TCEA2: variants seen among roughly 807,000 people sequenced by gnomAD.
The protein encoded by TCEA2 is transcription elongation factor A protein 2.
Under a neutral mutation model 40.8 loss-of-function variants are expected in TCEA2, and 21 were observed. The observed-to-expected ratio is 0.51, with a 90% CI of 0.36 to 0.74. TCEA2 has a LOEUF of 0.74. Among genes scored for constraint, TCEA2 ranks in the 30% least tolerant of loss-of-function variants. The pLI, the probability that TCEA2 is intolerant of heterozygous loss-of-function variation, is 0.00. For synonymous variants in TCEA2, 165 were observed against 162.7 expected (o/e 1.01, Z -0.11); for missense variants, 326 against 426.5 (o/e 0.76, Z 2.08).
In TCEA2 at chr20:64,058,153, G is replaced by C. The variant is rs1195739273; in HGVS notation, c.-84+502G>C. On this transcript the variant is annotated intron_variant, in intron 1 of 10. Transcript: ENST00000361317. This position sits in a 1 kb window ranked among gnomAD's most constrained non-coding sequence, Gnocchi z 6.7. ...CGGAGTGGCTGCGGCCCGCAGGTCA[G>C]AGGCACCCGACCTCTTCTGCTAACC... 6.6e-6 allele frequency among the ~76,000 whole-genome samples: 1 copy of C among 152,174 alleles called. No homozygotes were observed. The highest frequency in any genetic ancestry group is 2.4e-5 in the African/African-American group (1 of 41,434).
chr20:64,067,507 C>T (rs575384323), intron 3 of TCEA2, among the ~76,000 whole-genome samples: 1 of 152,132 alleles, frequency 6.6e-6, no homozygotes, highest in Admixed American at 6.5e-5. Context: ...CTGAAGGCTG[C>T]CTCTTCCTGG....
upstream of TCEA2, among the ~76,000 whole-genome samples, chr20:64,060,088 C>T (rs2059533039): frequency 6.6e-6 from 1 of 152,220 alleles, no homozygotes; most frequent in Non-Finnish European, 1.5e-5. Context: ...GGGACGTTGA[C>T]CCTCTCTCCT....
chr20:64,065,673 G>C (rs896283517), intron 1 of TCEA2: 3 of 152,404 alleles, frequency 2.0e-5, no homozygotes, highest in Admixed American at 6.5e-5. Flanking sequence ...ACCGGTTTGT[G>C]CCTGGCCTCG....
intron 8 of TCEA2, among the ~76,000 whole-genome samples, chr20:64,071,551 C>T (rs1445570708): frequency 6.6e-6 from 1 of 152,156 alleles, no homozygotes; most frequent in Non-Finnish European, 1.5e-5. Context: ...TTGGGCCTTC[C>T]GGAAGGCAGC....
At chr20:64,065,315 C>A (rs540954500) in intron 1 of TCEA2, among the ~76,000 whole-genome samples, 1 of 152,140 alleles carries the variant, frequency 6.6e-6, no homozygotes, top group Admixed American at 6.5e-5. Flanking sequence ...ACTATGCCAC[C>A]CGGATTGCTG....
chr20:64,070,086 G>C, intron 6 of TCEA2, 174 bp from the exon 7 acceptor site: 2 of 1,023,644 alleles, frequency 2.0e-6, no homozygotes, highest in Admixed American at 4.3e-5. Context: ...TGGGCCTGGG[G>C]CAGGCTTGGC....
upstream of TCEA2, among the ~76,000 whole-genome samples, chr20:64,060,445 A>C (rs2059540024): frequency 6.6e-6 from 1 of 152,172 alleles, no homozygotes; most frequent in Admixed American, 6.5e-5. Flanking sequence ...TTCCTGCACA[A>C]GGGCAGTTCC....
intron 9 of TCEA2, 22 bp from the exon 10 acceptor site, chr20:64,072,150 G>A (rs1294137893): frequency 6.2e-7 from 1 of 1,613,488 alleles, no homozygotes; most frequent in Non-Finnish European, 8.5e-7. Flanking sequence ...CAAGGCTGGA[G>A]GCCTCACCCC....
upstream of TCEA2, among the ~76,000 whole-genome samples, chr20:64,055,913 GCTGCC>G (rs2059468458): frequency 6.6e-6 from 1 of 152,104 alleles, no homozygotes; most frequent in Non-Finnish European, 1.5e-5. The surrounding 1 kb of genome is among the most constrained non-coding windows in gnomAD (Gnocchi z 4.0). Context: ...CCCTGGTTTT[GCTGCC>G]CTGTGAGTCA....
intron 6 of TCEA2, 23 bp downstream of exon 6, chr20:64,069,844 G>A: frequency 6.2e-7 from 1 of 1,611,504 alleles, no homozygotes; most frequent in Non-Finnish European, 8.5e-7. Flanking sequence ...TAGGGGCTGT[G>A]GGCCTGGGTT....
Position 64,071,866 on chromosome 20 carries a change from A to C in TCEA2, c.820-4A>C, listed in dbSNP as rs1026226508. 1.2e-6 allele frequency: 2 copies of C among 1,613,908 alleles called. No individual in the cohort carries two copies. Among genetic ancestry groups the C allele is most frequent in the Non-Finnish European group, 1.7e-6 (2 of 1,180,022 alleles). Reference sequence around the variant, plus strand: ...ACCCTGGGTTCACCCAGCCCTGTTCACAGGTGCAGACCCGCAGCTCTGATG... The same window carrying C: ...ACCCTGGGTTCACCCAGCCCTGTTCCCAGGTGCAGACCCGCAGCTCTGATG... On this transcript the variant is annotated splice_polypyrimidine_tract_variant and splice_region_variant and intron_variant, in intron 8 of 9. Coordinates refer to ENST00000343484, the MANE Select transcript of TCEA2 (RefSeq NM_003195.6).
In TCEA2 at chr20:64,069,457, C is replaced by T; in HGVS notation, c.426C>T (p.Cys142=). The T allele has an allele frequency of 6.2e-7, 1 of 1,613,390 alleles. No homozygotes were observed. The highest frequency in any genetic ancestry group is 1.1e-5 in the South Asian group (1 of 91,078). ...CCTGTGATGCCGTGCGCAACAAGTG[C>T]CGCGAGATGCTGACCGCTGCCCTGC... ...PVTCDAVRNK[C]REMLTAALQT... is the part of the protein sequence containing the mutation. The change falls in exon 5 of 10, where the codon TGC becomes TGT. Residue 142 remains cysteine (C), a synonymous_variant. Coordinates refer to ENST00000343484, the MANE Select transcript of TCEA2 (RefSeq NM_003195.6).
chr20:64,066,610 C>T, intron 2 of TCEA2, 72 bp downstream of exon 2: 1 of 1,547,360 alleles, frequency 6.5e-7, no homozygotes, highest in Non-Finnish European at 8.9e-7. Context: ...TCTGAGGGCA[C>T]CTGGCAGGGC....
At chr20:64,059,303 G>A (rs976401887), upstream of TCEA2, among the ~76,000 whole-genome samples, 18 of 151,722 alleles carry the variant, frequency 1.2e-4, no homozygotes, top group African/African-American at 4.4e-4. Flanking sequence ...GAGACGCCTC[G>A]CACTGTTCCC....
At chr20:64,066,867 C>T (rs2059705746) in intron 2 of TCEA2, 48 bp from the exon 3 acceptor site, 1 of 1,573,936 alleles carries the variant, frequency 6.4e-7, no homozygotes, top group Non-Finnish European at 8.7e-7. Context: ...GAATCTGACC[C>T]CTAGGGTGGG....
upstream of TCEA2, among the ~76,000 whole-genome samples, chr20:64,060,403 C>T (rs550983829): frequency 3.3e-5 from 5 of 152,356 alleles, no homozygotes; most frequent in South Asian, 2.1e-4. Flanking sequence ...AAACCCTGGC[C>T]GCCCGGACCT....
intron 1 of TCEA2, 27 bp downstream of exon 1, chr20:64,063,411 C>T (rs1436381920): frequency 1.1e-5 from 17 of 1,538,014 alleles, no homozygotes; most frequent in Non-Finnish European, 1.4e-5. Flanking sequence ...GCCAGGACCC[C>T]GGGAACCCCG....
chr20:64,066,986 C>T lies in TCEA2; in HGVS notation c.207C>T (p.Ala69=). The T allele has an allele frequency of 3.4e-5, 55 of 1,613,730 alleles. No individual in the cohort carries two copies. Among genetic ancestry groups the T allele is most frequent in the Non-Finnish European group, 4.6e-5 (54 of 1,179,874 alleles). The change falls in exon 3 of 10, where the codon GCC becomes GCT. Residue 69 remains alanine, a synonymous_variant. Transcript: ENST00000343484. ...CGGATGAGGAGGTCATTGCACTGGC[C>T]AAGTCTCTCATCAAGTCCTGGAAGA... ...QSSDEEVIAL[A]KSLIKSWKKL...
upstream of TCEA2, among the ~76,000 whole-genome samples, chr20:64,060,719 A>C (rs2059544364): frequency 6.6e-6 from 1 of 152,152 alleles, no homozygotes; most frequent in African/African-American, 2.4e-5. Context: ...TAATAATAAT[A>C]ATATAATATC....
Sources: allele counts gnomAD v4.1 joint callset (sites outside exome capture counted in the v4.1 genomes callset), GRCh38; gene constraint gnomAD v4.1.1; non-coding constraint Gnocchi (gnomAD v3.1); transcripts MANE v1.5; gene names NCBI Gene and HGNC (gene_info 2026-07-23, HGNC 2026-07-21).